Variants in CRAMP1 observed in about 807,000 individuals in gnomAD.
CRAMP1 encodes the protein protein cramped-like.
In CRAMP1, 50 loss-of-function variants were observed where a neutral mutation model predicts 115.4. That is an observed-to-expected ratio of 0.43 (90% CI 0.35 to 0.55). The LOEUF is 0.55. Ranked by LOEUF, CRAMP1 falls within the 20% of genes least tolerant of loss-of-function variation. The pLI, the probability that CRAMP1 is intolerant of heterozygous loss-of-function variation, is 0.01. For missense variants in CRAMP1, 1,679 were observed against 1,721.7 expected (o/e 0.98, Z 0.44); for synonymous variants, 866 against 745.4 (o/e 1.16, Z -2.64).
chr16:1,640,376 G>A (rs1247488529), intron 5 of CRAMP1, among the ~76,000 whole-genome samples: 2 of 152,160 alleles, frequency 1.3e-5, no homozygotes, highest in African/African-American at 2.4e-5. Flanking sequence ...GGTCATCTAT[G>A]CCCTCATTCC....
intron 10 of CRAMP1, among the ~76,000 whole-genome samples, chr16:1,658,935 G>C (rs1399455114): frequency 6.6e-6 from 1 of 152,134 alleles, no homozygotes; most frequent in Non-Finnish European, 1.5e-5. Context: ...CTGGGGTGCT[G>C]GCCGAGTCTT....
Position 1,656,863 on chromosome 16 carries a change from G to C in CRAMP1, c.2106G>C (p.Gln702His). The change falls in exon 10 of 21, where the codon CAG becomes CAC. Residue 702 changes from glutamine (Q) to histidine (H), a missense_variant. Around this residue, in one of 8 missense-constraint regions of CRAMP1, gnomAD observed 11 missense variants for 29.7 expected, o/e 0.37. Transcript: ENST00000397412. This position sits in a 1 kb window ranked among gnomAD's most constrained non-coding sequence, Gnocchi z 5.6. ...YLMMGKPSKL[Q>H]LEYDWLGPGR... ...TGATGGGCAAGCCCAGCAAGCTGCA[G>C]CTGGAGTACGACTGGCTGGGGCCCG... 6.4e-7 allele frequency: 1 copy of C among 1,551,512 alleles called. No homozygotes were observed. The highest frequency in any genetic ancestry group is 2.0e-5 in the Admixed American group (1 of 51,128).
chr16:1,664,665 G>C (rs1332361984), intron 13 of CRAMP1, among the ~76,000 whole-genome samples: 3 of 151,998 alleles, frequency 2.0e-5, no homozygotes, highest in Non-Finnish European at 4.4e-5. Context: ...TATAATCCCA[G>C]CTACTCGGGA....
Position 1,656,441 on chromosome 16 carries a change from C to G in CRAMP1, c.1684C>G (p.Pro562Ala), listed in dbSNP as rs757274453. Residue 562 changes from proline to alanine, a missense_variant, in exon 10 of 21, where the codon CCC (proline) becomes GCC (alanine). Transcript: ENST00000397412. This position sits in a 1 kb window ranked among gnomAD's most constrained non-coding sequence, Gnocchi z 5.6. Reference sequence around the variant, plus strand: ...CGAGCTCTCGCTTCTAGACCCCTTGCCCCGCTACCTAAAGTCCTGTCAGGA... The same window carrying G: ...CGAGCTCTCGCTTCTAGACCCCTTGGCCCGCTACCTAAAGTCCTGTCAGGA... ...EDELSLLDPL[P>A]RYLKSCQDLI... 6.3e-7 allele frequency: 1 copy of G among 1,584,702 alleles called. No homozygotes were observed. The highest frequency in any genetic ancestry group is 2.3e-5 in the East Asian group (1 of 43,022).
intron 6 of CRAMP1, among the ~76,000 whole-genome samples, chr16:1,650,493 A>G (rs934088552): frequency 6.6e-6 from 1 of 152,240 alleles, no homozygotes; most frequent in Non-Finnish European, 1.5e-5. Context: ...TTCAAACAAT[A>G]CACAGATAAA....
intron 2 of CRAMP1, among the ~76,000 whole-genome samples, chr16:1,621,463 G>A (rs1027186202): frequency 4.6e-5 from 7 of 152,234 alleles, no homozygotes; most frequent in Non-Finnish European, 7.3e-5. Context: ...GTGCGGATGG[G>A]AAGGGGAAAG....
At position 1,656,701 on chromosome 16, in the gene CRAMP1, G is replaced by T. The variant is rs1371319656; in HGVS notation, c.1944G>T (p.Gly648=). Residue 648 remains glycine, a synonymous_variant, in exon 10 of 21, where the codon GGG becomes GGT. Transcript: ENST00000397412. The surrounding 1 kb of genome is among the most constrained non-coding windows in gnomAD (Gnocchi z 5.6). ...TCCAGGAGAAGGGGAGCCCCGCGGG[G>T]CCTCCGCCGTCTCAGGGACAGCCTG... ...EELQEKGSPA[G]PPPSQGQPAA... 3 of 1,557,332 alleles carry T rather than the reference G, an allele frequency of 1.9e-6. No homozygotes were observed. Among genetic ancestry groups the T allele is most frequent in the Non-Finnish European group, 2.6e-6 (3 of 1,151,444 alleles).
chr16:1,618,067 A>G (rs1163927408), intron 2 of CRAMP1, among the ~76,000 whole-genome samples: 2 of 152,342 alleles, frequency 1.3e-5, no homozygotes, highest in South Asian at 2.1e-4. Flanking sequence ...AGAGCCGCAG[A>G]AACCATCTGA....
At chr16:1,662,968 A>T in intron 13 of CRAMP1, 133 bp downstream of exon 13, 2 of 654,370 alleles carry the variant, frequency 3.1e-6, no homozygotes, top group East Asian at 5.5e-5. Flanking sequence ...TCTTGTGAGT[A>T]GGGTAAAAAT....
In CRAMP1 at chr16:1,614,824, C is replaced by G. The variant is rs1007968040; in HGVS notation, c.185C>G (p.Pro62Arg). The G allele has an allele frequency of 4.7e-6, 6 of 1,271,220 alleles. No individual in the cohort carries two copies. In the South Asian group the frequency reaches 1.7e-4, roughly 37 times the overall value. The allele number at this position is 1,271,220 out of a possible 1,614,324, so 78.7% of individuals were successfully genotyped here. ...PRAGADGPPA[P>R]PGAPQAPSPP... is the part of the protein sequence containing the mutation. ...GCCGGCGCCGACGGCCCCCCCGCGC[C>G]CCCCGGCGCGCCGCAGGCGCCGTCC... Residue 62 changes from proline to arginine, a missense_variant, in exon 2 of 21, where the codon CCC becomes CGC. Pro to Arg is a moderately radical substitution (Grantham distance 103). Transcript: ENST00000397412. This position sits in a 1 kb window ranked among gnomAD's most constrained non-coding sequence, Gnocchi z 4.4.
At chr16:1,627,963 G>A (rs1267130722) in intron 3 of CRAMP1, among the ~76,000 whole-genome samples, 1 of 152,202 alleles carries the variant, frequency 6.6e-6, no homozygotes, top group African/African-American at 2.4e-5. Flanking sequence ...AAGAGGGTCT[G>A]GGTGCCTGGG....
chr16:1,660,638 G>C (rs573974132), intron 11 of CRAMP1, among the ~76,000 whole-genome samples: 20 of 152,224 alleles, frequency 1.3e-4, no homozygotes, highest in Non-Finnish European at 2.1e-4. Flanking sequence ...AGTTTCACTG[G>C]CTTTCAACCC....
chr16:1,612,902 A>G (rs2036370268), intron 1 of CRAMP1, among the ~76,000 whole-genome samples: 1 of 151,396 alleles, frequency 6.6e-6, no homozygotes, highest in Admixed American at 6.6e-5. Context: ...CGCGAAAAGG[A>G]GGCCATCCCC....
intron 5 of CRAMP1, among the ~76,000 whole-genome samples, chr16:1,639,437 C>T (rs761535390): frequency 2.6e-5 from 4 of 151,440 alleles, no homozygotes; most frequent in Non-Finnish European, 4.4e-5. Flanking sequence ...GCTTGGTGTA[C>T]ACCCTATGTA....
At position 1,614,455 on chromosome 16, in the gene CRAMP1, C is replaced by CGGG. The variant is rs1186912039; in HGVS notation, c.-1-181_-1-179dup. Among the ~76,000 whole-genome samples, 1 of 117,798 alleles carries CGGG rather than the reference C, an allele frequency of 8.5e-6. No individual in the cohort carries two copies. The highest frequency in any genetic ancestry group is 3.1e-5 in the African/African-American group (1 of 32,132). The allele number at this position is 117,798 out of a possible 152,430, so 77.3% of individuals were successfully genotyped here. A position where few individuals can be genotyped will look rare whatever the true frequency, so the allele number is the denominator to read the frequency against. Reference sequence around the variant, plus strand: ...AGGGTCCCGGGCTGGTGGGCAGGGCCGGGGGCGGCGGCGTGGGGGCGGCAG... The same window carrying CGGG: ...AGGGTCCCGGGCTGGTGGGCAGGGCCGGGGGGGGCGGCGGCGTGGGGGCGGCAG... On this transcript the variant is annotated intron_variant, in intron 1 of 20. Transcript: ENST00000397412. The surrounding 1 kb of genome is among the most constrained non-coding windows in gnomAD (Gnocchi z 4.4).
At chr16:1,649,050 C>T (rs958246573) in intron 6 of CRAMP1, among the ~76,000 whole-genome samples, 1 of 148,476 alleles carries the variant, frequency 6.7e-6, no homozygotes, top group Non-Finnish European at 1.5e-5. Flanking sequence ...TAGAGCAAGA[C>T]TCCATCTAAA....
intron 2 of CRAMP1, among the ~76,000 whole-genome samples, chr16:1,624,947 G>C (rs184650084): frequency 1.3e-5 from 2 of 151,858 alleles, no homozygotes; most frequent in Non-Finnish European, 2.9e-5. Flanking sequence ...TGCTGGTCTC[G>C]AACTTTTGGC....
At chr16:1,673,757 A>C in intron 20 of CRAMP1, 124 bp from the exon 21 acceptor site, 1 of 843,314 alleles carries the variant, frequency 1.2e-6, no homozygotes, top group Non-Finnish European at 1.9e-6. Flanking sequence ...CTGGGCTGCC[A>C]TCCCTAGCTT....
rs2036903215 is a variant in CRAMP1, at chr16:1,669,421, A to G, written c.3499+256A>G. ...GTAACCCACAAGCCAATGGAGACCT[A>G]GAACATTCCCGTGACCCCAGATGCT... On this transcript the variant is annotated intron_variant, in intron 19 of 20. Coordinates refer to ENST00000397412, the MANE Select transcript of CRAMP1 (RefSeq NM_020825.4). The surrounding 1 kb of genome is among the most constrained non-coding windows in gnomAD (Gnocchi z 4.6). Among the ~76,000 whole-genome samples the G allele has an allele frequency of 6.6e-6, 1 of 152,228 alleles. No homozygotes were observed. Among genetic ancestry groups the G allele is most frequent in the Non-Finnish European group, 1.5e-5 (1 of 68,034 alleles).
Sources: allele counts gnomAD v4.1 joint callset (sites outside exome capture counted in the v4.1 genomes callset), GRCh38; gene constraint gnomAD v4.1.1; regional missense constraint gnomAD v4.1.1; non-coding constraint Gnocchi (gnomAD v3.1); transcripts MANE v1.5; gene names NCBI Gene and HGNC (gene_info 2026-07-23, HGNC 2026-07-21).